The following STMN2 variants were observed in gnomAD, a reference collection of about 807,000 sequenced individuals.
The protein encoded by STMN2 is stathmin 2.
Under a neutral mutation model 24.1 loss-of-function variants are expected in STMN2, and 2 were observed. The ratio of observed to expected loss-of-function variants is 0.08; its 90% CI spans 0.03 to 0.26. The LOEUF is 0.26. STMN2 is among the 10% of genes least tolerant of loss of function. STMN2 has a pLI of 1.00. For synonymous variants in STMN2, 83 were observed against 77.5 expected, an observed-to-expected ratio of 1.07 and a Z score of -0.37; for missense variants, 114 against 213.6, an observed-to-expected ratio of 0.53 and a Z score of 2.91.
At chr8:79,643,149 G>GTCTA (rs764308760) in intron 3 of STMN2, among the ~76,000 whole-genome samples, 1 of 140,108 alleles carries the variant, frequency 7.1e-6, no homozygotes, top group Non-Finnish European at 1.5e-5. Context: ...ATGTGTGTGT[G>GTCTA]TATATATATA....
chr8:79,663,719 T>A (rs13266097), intron 4 of STMN2: 537,478 of 1,328,742 alleles, frequency 0.4, 118,473 homozygotes, highest in Non-Finnish European at 0.46. Flanking sequence ...ATCTTAAAAT[T>A]TCAATTCAAT....
At chr8:79,659,968 T>A (rs1806468400) in intron 4 of STMN2, among the ~76,000 whole-genome samples, 1 of 152,152 alleles carries the variant, frequency 6.6e-6, no homozygotes, top group Non-Finnish European at 1.5e-5. Flanking sequence ...TTTCCAAAGG[T>A]TTCTCTCCAC....
At chr8:79,612,174 G>C (rs2130284795) in intron 1 of STMN2, among the ~76,000 whole-genome samples, 1 of 145,022 alleles carries the variant, frequency 6.9e-6, no homozygotes. Context: ...GCCACGCCCC[G>C]CGCTCCCCGC....
intron 3 of STMN2, 89 bp downstream of exon 3, chr8:79,641,639 C>CAA (rs1435375557): frequency 7.7e-6 from 4 of 516,832 alleles, no homozygotes; most frequent in African/African-American, 2.3e-5. Context: ...CACACACACA[C>CAA]ACACACACAC....
At chr8:79,652,433 G>C (rs1810353582) in intron 3 of STMN2, among the ~76,000 whole-genome samples, 2 of 152,172 alleles carry the variant, frequency 1.3e-5, no homozygotes, top group Non-Finnish European at 2.9e-5. Flanking sequence ...GCCCAAGTCA[G>C]TGGGCATGCA....
At chr8:79,658,271 A>G (rs1806419698) in intron 4 of STMN2, among the ~76,000 whole-genome samples, 1 of 152,148 alleles carries the variant, frequency 6.6e-6, no homozygotes, top group Non-Finnish European at 1.5e-5. Context: ...GTGCCACTGC[A>G]CTCCAACCTG....
rs985789688 is a variant in STMN2, at chr8:79,618,120, T to C, written c.19+6906T>C. ...CATTGCAGAGGTCACACCTGTGATA[T>C]CACCATTTTATTTAAACAGACCAGA... On this transcript the variant is annotated intron_variant, in intron 1 of 4. Transcript: ENST00000220876. Among the ~76,000 whole-genome samples, 6 of 152,364 alleles carry C rather than the reference T, an allele frequency of 3.9e-5. No individual in the cohort carries two copies. In the South Asian group the frequency reaches 1.2e-3, roughly 32 times the overall value.
intron 1 of STMN2, among the ~76,000 whole-genome samples, chr8:79,630,050 G>A (rs1316968832): frequency 6.6e-6 from 1 of 152,166 alleles, no homozygotes; most frequent in South Asian, 2.1e-4. Flanking sequence ...TAATAGGTTT[G>A]TGGTACAAAT....
chr8:79,623,708 A>C (rs1448426326), intron 1 of STMN2, among the ~76,000 whole-genome samples: 1 of 152,228 alleles, frequency 6.6e-6, no homozygotes, highest in Non-Finnish European at 1.5e-5. Context: ...GGAGCTTTAT[A>C]TGAAAGCACC....
At chr8:79,652,992 T>C (rs2130382220) in intron 3 of STMN2, among the ~76,000 whole-genome samples, 1 of 152,314 alleles carries the variant, frequency 6.6e-6, no homozygotes, top group African/African-American at 2.4e-5. Flanking sequence ...CATTGGAGTT[T>C]GAACTCAATT....
intron 1 of STMN2, among the ~76,000 whole-genome samples, chr8:79,617,766 T>G (rs1161646130): frequency 6.6e-6 from 1 of 152,268 alleles, no homozygotes; most frequent in Admixed American, 6.5e-5. Context: ...AATGGTGCTT[T>G]CTTTCAACTG....
intron 3 of STMN2, among the ~76,000 whole-genome samples, chr8:79,648,066 G>A (rs1810253816): frequency 3.9e-5 from 6 of 152,178 alleles, no homozygotes; most frequent in Admixed American, 3.9e-4. Flanking sequence ...TCAATTACAT[G>A]AGCATCCTTA....
intron 4 of STMN2, chr8:79,663,800 C>G (rs1806547811): frequency 1.7e-6 from 1 of 593,464 alleles, no homozygotes; most frequent in Non-Finnish European, 2.7e-6. Context: ...TAGCCACATA[C>G]TAAAAAATAC....
intron 3 of STMN2, among the ~76,000 whole-genome samples, chr8:79,646,889 A>G (rs1689373460): frequency 6.6e-6 from 1 of 152,198 alleles, no homozygotes; most frequent in Non-Finnish European, 1.5e-5. Context: ...GGATCCACAG[A>G]GGCGAGAATG....
chr8:79,637,295 T>G (rs1809987389), intron 2 of STMN2, among the ~76,000 whole-genome samples: 4 of 152,216 alleles, frequency 2.6e-5, no homozygotes, highest in Non-Finnish European at 5.9e-5. Flanking sequence ...TGTTTTTGCT[T>G]TATTGTAGTC....
chr8:79,644,086 A>T (rs1810167334), intron 3 of STMN2, among the ~76,000 whole-genome samples: 1 of 152,186 alleles, frequency 6.6e-6, no homozygotes, highest in South Asian at 2.1e-4. Flanking sequence ...CTTAATTAGC[A>T]CTAATTTAAA....
intron 4 of STMN2, among the ~76,000 whole-genome samples, chr8:79,657,030 C>A (rs182804969): frequency 1.3e-5 from 2 of 152,106 alleles, no homozygotes; most frequent in Non-Finnish European, 2.9e-5. Context: ...TATACCACCA[C>A]GCCCAGCTAA....
intron 4 of STMN2, among the ~76,000 whole-genome samples, chr8:79,657,128 C>A (rs1199253054): frequency 6.6e-6 from 1 of 152,234 alleles, no homozygotes; most frequent in Admixed American, 6.5e-5. Context: ...CCCACCTCGG[C>A]CTCCCGAAGT....
At chr8:79,643,568 G>C (rs1231880755) in intron 3 of STMN2, among the ~76,000 whole-genome samples, 1 of 152,044 alleles carries the variant, frequency 6.6e-6, no homozygotes, top group Non-Finnish European at 1.5e-5. Context: ...CCTGATTTAG[G>C]ATGTTGCTGG....
Sources: allele counts gnomAD v4.1 joint callset (sites outside exome capture counted in the v4.1 genomes callset), GRCh38; gene constraint gnomAD v4.1.1; transcripts MANE v1.5; gene names NCBI Gene and HGNC (gene_info 2026-07-23, HGNC 2026-07-21).